Variants in GMDS observed in about 807,000 individuals in gnomAD.
The protein encoded by GMDS is GDP-mannose 4,6 dehydratase.
GMDS carries 20 observed loss-of-function variants against 49.9 expected under a neutral mutation model. The observed-to-expected ratio is 0.40, with a 90% confidence interval of 0.28 to 0.58. GMDS has a LOEUF of 0.58. GMDS is among the 20% of genes least tolerant of loss of function. GMDS has a pLI of 0.42. For missense variants in GMDS, 362 were observed against 481.4 expected (o/e 0.75, Z 2.32); for synonymous variants, 177 against 178.6 (o/e 0.99, Z 0.07).
At chr6:1,637,084 G>A (rs1763177796) in intron 9 of GMDS, among the ~76,000 whole-genome samples, 1 of 152,278 alleles carries the variant, frequency 6.6e-6, no homozygotes, top group South Asian at 2.1e-4. Context: ...CCAGGCAGCT[G>A]TGGCAGCAGA....
At chr6:1,961,300 C>G (rs1318395432) in intron 4 of GMDS, among the ~76,000 whole-genome samples, 1 of 152,142 alleles carries the variant, frequency 6.6e-6, no homozygotes, top group Non-Finnish European at 1.5e-5. Context: ...AAAATTCAGT[C>G]TGAACCAATC....
intron 4 of GMDS, among the ~76,000 whole-genome samples, chr6:2,024,041 C>T (rs997194513): frequency 1.3e-5 from 2 of 151,946 alleles, no homozygotes; most frequent in African/African-American, 4.8e-5. Context: ...GGGAGAATTG[C>T]TTTTCACTTT....
intron 7 of GMDS, among the ~76,000 whole-genome samples, chr6:1,918,028 A>C (rs3800131): frequency 0.62 from 94,301 of 152,126 alleles, 29,544 homozygotes; most frequent in East Asian, 0.83. Context: ...TGTCAAATAA[A>C]TACATAAGAA....
At position 1,732,531 on chromosome 6, in the gene GMDS, C is replaced by G. The variant is rs140765639; in HGVS notation, c.891-6019G>C. ...CTTGTTTTGAATAAGAGGAGGCCGA[C>G]AGATAAGTCCCAGAAGGGCAAAATC... is the stretch of plus-strand genomic sequence containing the variant. On this transcript the variant is annotated intron_variant, in intron 8 of 10. Transcript: ENST00000380815. Among the ~76,000 whole-genome samples the G allele has an allele frequency of 2.6e-5, 4 of 152,210 alleles. No homozygotes were observed. The East Asian group carries it at 7.7e-4, about 29-fold the overall frequency.
intron 4 of GMDS, among the ~76,000 whole-genome samples, chr6:2,064,380 TGTGG>T (rs1157941839): frequency 1.3e-5 from 2 of 152,156 alleles, no homozygotes; most frequent in Non-Finnish European, 2.9e-5. Flanking sequence ...AAAACCGAAG[TGTGG>T]GAGGAGGAAG....
intron 7 of GMDS, among the ~76,000 whole-genome samples, chr6:1,796,094 C>G (rs1405203142): frequency 6.6e-6 from 1 of 152,140 alleles, no homozygotes; most frequent in East Asian, 1.9e-4. Flanking sequence ...GTATGCTTCT[C>G]TATTCAACAA....
intron 9 of GMDS, among the ~76,000 whole-genome samples, chr6:1,690,354 T>C (rs1765129866): frequency 6.6e-6 from 1 of 152,180 alleles, no homozygotes; most frequent in African/African-American, 2.4e-5. Flanking sequence ...TAGTTCGAGA[T>C]TTTACATTTA....
intron 8 of GMDS, among the ~76,000 whole-genome samples, chr6:1,740,556 CAA>C (rs557749479): frequency 1.7e-4 from 11 of 66,536 alleles, no homozygotes; most frequent in Non-Finnish European, 1.9e-4. Flanking sequence ...GACTCCGTCT[CAA>C]AAAAAAAAAA....
At chr6:1,908,923 G>T (rs1375398902) in intron 7 of GMDS, among the ~76,000 whole-genome samples, 1 of 152,156 alleles carries the variant, frequency 6.6e-6, no homozygotes, top group Non-Finnish European at 1.5e-5. Flanking sequence ...CTGGAGGGGG[G>T]TTACACCATC....
intron 4 of GMDS, among the ~76,000 whole-genome samples, chr6:1,976,449 T>C (rs1391873129): frequency 1.3e-5 from 2 of 152,190 alleles, no homozygotes; most frequent in Non-Finnish European, 2.9e-5. Flanking sequence ...AGGGAATGAA[T>C]GAATAGGAGC....
At chr6:2,207,724 TAA>T (rs748425595) in intron 1 of GMDS, among the ~76,000 whole-genome samples, 11 of 151,874 alleles carry the variant, frequency 7.2e-5, no homozygotes, top group Non-Finnish European at 1.5e-4. Flanking sequence ...TACGTAAAAA[TAA>T]AAGTGATTCT....
chr6:2,123,020 C>G (rs1775226104), intron 2 of GMDS, among the ~76,000 whole-genome samples: 1 of 152,204 alleles, frequency 6.6e-6, no homozygotes. Context: ...TCTGGCAGTC[C>G]TAGGTTCTTG....
intron 1 of GMDS, among the ~76,000 whole-genome samples, chr6:2,133,961 G>A (rs1007498431): frequency 1.3e-5 from 2 of 152,190 alleles, no homozygotes; most frequent in African/African-American, 2.4e-5. Flanking sequence ...CATTCTGTGG[G>A]CTACTAAATC....
At chr6:1,690,590 A>G (rs1311768233) in intron 9 of GMDS, among the ~76,000 whole-genome samples, 3 of 152,228 alleles carry the variant, frequency 2.0e-5, no homozygotes, top group Non-Finnish European at 2.9e-5. Context: ...GAATGGGAGA[A>G]AAGTTTTGCA....
chr6:2,200,270 G>A (rs961634604), intron 1 of GMDS, among the ~76,000 whole-genome samples: 2 of 152,152 alleles, frequency 1.3e-5, no homozygotes, highest in Non-Finnish European at 2.9e-5. Flanking sequence ...TGGAAGGGAT[G>A]GGAGCCTCAG....
intron 7 of GMDS, among the ~76,000 whole-genome samples, chr6:1,800,302 T>C (rs578216520): frequency 6.6e-6 from 1 of 152,364 alleles, no homozygotes; most frequent in East Asian, 1.9e-4. Flanking sequence ...TTGATATTGG[T>C]GAGCTTCTTC....
At chr6:1,877,998 A>C (rs1401288614) in intron 7 of GMDS, among the ~76,000 whole-genome samples, 1 of 152,138 alleles carries the variant, frequency 6.6e-6, no homozygotes, top group Non-Finnish European at 1.5e-5. Flanking sequence ...GTAACATATA[A>C]CTGTATGTAG....
intron 4 of GMDS, among the ~76,000 whole-genome samples, chr6:2,024,274 C>T (rs1345983614): frequency 3.3e-5 from 5 of 152,028 alleles, no homozygotes; most frequent in South Asian, 2.1e-4. Context: ...ATAACTCACA[C>T]GCCTTCACAG....
At chr6:2,011,983 G>A (rs1446785068) in intron 4 of GMDS, among the ~76,000 whole-genome samples, 1 of 152,138 alleles carries the variant, frequency 6.6e-6, no homozygotes, top group Non-Finnish European at 1.5e-5. Context: ...GAAACAAGAG[G>A]CCATTATCTT....
Sources: gnomAD v4.1 joint callset for allele counts (sites outside exome capture counted in the v4.1 genomes callset) on GRCh38, gnomAD v4.1.1 for gene constraint, MANE v1.5 for transcripts, NCBI Gene and HGNC (gene_info 2026-07-23, HGNC 2026-07-21) for gene names.